The following CLNS1A variants were observed in gnomAD, a reference collection of about 807,000 sequenced individuals.
CLNS1A encodes chloride nucleotide-sensitive channel 1A, also known as methylosome subunit pICln.
In CLNS1A, 16 loss-of-function variants were observed where a neutral mutation model predicts 29.4. The ratio of observed to expected loss-of-function variants is 0.54; its 90% CI spans 0.37 to 0.83. The LOEUF (loss-of-function observed/expected upper bound fraction) is 0.83, where lower values mean the gene tolerates loss of function less well. Ranked by LOEUF, CLNS1A falls within the 40% of genes least tolerant of loss-of-function variation. The probability of loss-of-function intolerance (pLI) is 0.00; values close to 1 mark genes in which losing one functional copy is unlikely to be tolerated. For synonymous variants in CLNS1A, 96 were observed against 104.8 expected (o/e 0.92, Z 0.51); for missense variants, 235 against 287.4 (o/e 0.82, Z 1.32).
intron 4 of CLNS1A, among the ~76,000 whole-genome samples, chr11:77,622,942 T>A (rs1958977735): frequency 7.0e-6 from 1 of 142,122 alleles, no homozygotes; most frequent in African/African-American, 2.6e-5. Flanking sequence ...AGCAAGACCT[T>A]GTCTTGGAAA....
At chr11:77,624,500 G>A (rs1170608658) in intron 4 of CLNS1A, among the ~76,000 whole-genome samples, 1 of 152,032 alleles carries the variant, frequency 6.6e-6, no homozygotes, top group East Asian at 1.9e-4. Flanking sequence ...GGCATAAAGT[G>A]TTCTACCGTG....
In CLNS1A at chr11:77,621,670, A is replaced by C. The variant is rs1478248120; in HGVS notation, c.646+830T>G. On this transcript the variant is annotated intron_variant, in intron 5 of 6. Coordinates refer to ENST00000525428, the MANE Select transcript of CLNS1A (RefSeq NM_001293.3). ...AGAAAAAAAGAAGGGTGTGATAGTT[A>C]AATTTATGCATCAACTTGGCTAGGC... 2.0e-5 allele frequency among the ~76,000 whole-genome samples: 3 copies of C among 152,234 alleles called. 1 individual carries two copies. Among genetic ancestry groups the C allele is most frequent in the Non-Finnish European group, 4.4e-5 (3 of 68,044 alleles).
intron 2 of CLNS1A, among the ~76,000 whole-genome samples, chr11:77,626,552 T>C (rs1406400923): frequency 2.0e-5 from 3 of 151,244 alleles, no homozygotes; most frequent in Non-Finnish European, 2.9e-5. Flanking sequence ...GGCAGGAGAA[T>C]CATTTGAACC....
At chr11:77,625,641 G>A in intron 3 of CLNS1A, 76 bp downstream of exon 3, 1 of 1,174,356 alleles carries the variant, frequency 8.5e-7, no homozygotes, top group Non-Finnish European at 1.2e-6. Flanking sequence ...GTGTGTGTGT[G>A]TGTGTATGTG....
intron 4 of CLNS1A, 127 bp from the exon 5 acceptor site, chr11:77,622,800 T>G: frequency 3.0e-6 from 2 of 672,140 alleles, no homozygotes; most frequent in Non-Finnish European, 2.3e-6. Context: ...ATACAAAAAT[T>G]AGCCAGGCGT....
At chr11:77,619,446 T>C (rs1958935207) in intron 6 of CLNS1A, 160 bp downstream of exon 6, 2 of 583,244 alleles carry the variant, frequency 3.4e-6, no homozygotes, top group African/African-American at 3.8e-5. Context: ...GCAGGTGGAT[T>C]GCTTGAGTTC....
intron 1 of CLNS1A, among the ~76,000 whole-genome samples, chr11:77,630,226 C>T (rs1959061076): frequency 6.6e-6 from 1 of 152,178 alleles, no homozygotes. Context: ...TGCAAATCCT[C>T]CCCTCTTCCA....
intron 1 of CLNS1A, among the ~76,000 whole-genome samples, chr11:77,631,564 G>A (rs561462991): frequency 1.8e-4 from 28 of 151,740 alleles, no homozygotes; most frequent in East Asian, 3.9e-4. Flanking sequence ...TGATCCACCC[G>A]CCTCGGCCTC....
rs761829424 is a variant in CLNS1A, at chr11:77,619,615, G to C, written c.*13C>G. On this transcript the variant is annotated 3_prime_UTR_variant, in exon 6 of 7. Coordinates refer to ENST00000525428, the MANE Select transcript of CLNS1A (RefSeq NM_001293.3). ...AAAATGAACTACTCACCTTAAACTT[G>C]CATAAATCATTTTCAGTGATCAACA... 25 of 1,601,166 alleles carry C rather than the reference G, an allele frequency of 1.6e-5. No individual in the cohort carries two copies. The highest frequency in any genetic ancestry group is 2.1e-5 in the Non-Finnish European group (24 of 1,168,338).
chr11:77,618,095 T>C (rs1241733946), intron 6 of CLNS1A, among the ~76,000 whole-genome samples: 3 of 152,172 alleles, frequency 2.0e-5, no homozygotes, highest in Non-Finnish European at 1.5e-5. Context: ...TCCCATTTGT[T>C]TAACTGTTAG....
chr11:77,617,295 G>T (rs148980057), intron 6 of CLNS1A, among the ~76,000 whole-genome samples: 521 of 151,636 alleles, frequency 3.4e-3, no homozygotes, highest in African/African-American at 0.012. Flanking sequence ...TTGAACCCGG[G>T]GGGGCGGAGG....
chr11:77,628,566 A>G (rs1189191767), intron 2 of CLNS1A, among the ~76,000 whole-genome samples: 1 of 152,232 alleles, frequency 6.6e-6, no homozygotes, highest in Non-Finnish European at 1.5e-5. Context: ...AGATAGCTGA[A>G]TCAGTCATTA....
chr11:77,637,125 G>A (rs1590806852), intron 1 of CLNS1A, among the ~76,000 whole-genome samples: 1 of 151,230 alleles, frequency 6.6e-6, no homozygotes, highest in African/African-American at 2.4e-5. Flanking sequence ...ACGTATCCCA[G>A]AGAGGGGAAC....
chr11:77,625,883 T>A, intron 2 of CLNS1A, 65 bp from the exon 3 acceptor site: 1 of 1,265,342 alleles, frequency 7.9e-7, no homozygotes, highest in Non-Finnish European at 1.1e-6. Flanking sequence ...ATATTGAAAA[T>A]CTGAATATTG....
intron 3 of CLNS1A, 118 bp downstream of exon 3, chr11:77,625,599 T>C: frequency 1.2e-6 from 1 of 805,094 alleles, no homozygotes; most frequent in Non-Finnish European, 1.9e-6. Flanking sequence ...GAAAAAGCAA[T>C]AGAATGGAGG....
chr11:77,622,112 T>A (rs567433115), intron 5 of CLNS1A: 6 of 456,446 alleles, frequency 1.3e-5, no homozygotes, highest in Non-Finnish European at 2.2e-5. Context: ...TCCAAAACTA[T>A]GAGACAATAA....
intron 1 of CLNS1A, among the ~76,000 whole-genome samples, chr11:77,636,310 T>C (rs1959125274): frequency 6.6e-6 from 1 of 151,980 alleles, no homozygotes; most frequent in African/African-American, 2.4e-5. Flanking sequence ...TCAAGCGATC[T>C]GCCTGCCTCA....
At chr11:77,617,658 G>A (rs1157978792) in intron 6 of CLNS1A, among the ~76,000 whole-genome samples, 1 of 151,912 alleles carries the variant, frequency 6.6e-6, no homozygotes, top group Non-Finnish European at 1.5e-5. Flanking sequence ...AGTGGCTCAT[G>A]CCTGTAATCC....
At chr11:77,625,471 G>A (rs1245871949) in intron 3 of CLNS1A, 1 of 489,794 alleles carries the variant, frequency 2.0e-6, no homozygotes, top group Non-Finnish European at 3.6e-6. Flanking sequence ...AAACTAACCA[G>A]AGTCCACTCA....
Sources: allele counts gnomAD v4.1 joint callset (sites outside exome capture counted in the v4.1 genomes callset), GRCh38; gene constraint gnomAD v4.1.1; transcripts MANE v1.5; gene names NCBI Gene and HGNC (gene_info 2026-07-23, HGNC 2026-07-21).